The following LYN variants were observed in gnomAD, a reference collection of about 807,000 sequenced individuals.
The protein encoded by LYN is tyrosine-protein kinase Lyn.
LYN carries 12 observed loss-of-function variants against 65.0 expected under a neutral mutation model. The observed-to-expected ratio is 0.18, with a 90% confidence interval of 0.12 to 0.30. The LOEUF (loss-of-function observed/expected upper bound fraction) is 0.30. LYN is among the 10% of genes least tolerant of loss of function. The pLI, the probability that LYN is intolerant of heterozygous loss-of-function variation, is 1.00. For synonymous variants in LYN, 222 were observed against 221.2 expected, an observed-to-expected ratio of 1.00 and a Z score of -0.03; for missense variants, 380 against 623.2, an observed-to-expected ratio of 0.61 and a Z score of 4.16.
intron 2 of LYN, among the ~76,000 whole-genome samples, chr8:55,945,663 G>A (rs72651494): frequency 0.21 from 31,422 of 152,182 alleles, 3,621 homozygotes; most frequent in Middle Eastern, 0.32. Flanking sequence ...GCACTGTGAA[G>A]AAAAGAATTT....
At position 56,012,941 on chromosome 8, in the gene LYN, G is replaced by C. The variant is rs1309122256; in HGVS notation, c.*2831G>C. 1.3e-5 allele frequency: 2 copies of C among 152,140 alleles called. No individual in the cohort carries two copies. The highest frequency in any genetic ancestry group is 2.9e-5 in the Non-Finnish European group (2 of 68,024). 9.4% of individuals were successfully genotyped at this position (152,140 alleles called of 1,614,324 possible). A position where few individuals can be genotyped will look rare whatever the true frequency, so the allele number is the denominator to read the frequency against. On this transcript the variant is annotated 3_prime_UTR_variant, in exon 13 of 13. Coordinates refer to ENST00000519728, the MANE Select transcript of LYN (RefSeq NM_002350.4). ...CACTGAACCTAAAGGAGACTCACAG[G>C]CTAGAAACCAGTGTCCTTAGTAGTA...
At chr8:55,894,579 C>G (rs534577332) in intron 1 of LYN, among the ~76,000 whole-genome samples, 37 of 151,350 alleles carry the variant, frequency 2.4e-4, no homozygotes, top group African/African-American at 8.7e-4. Context: ...GTTGCCCAGG[C>G]TGGAGTTCAT....
chr8:55,954,165 T>A (rs1484671337), intron 8 of LYN, among the ~76,000 whole-genome samples, 181 bp downstream of exon 8: 14 of 152,234 alleles, frequency 9.2e-5, no homozygotes, highest in Admixed American at 9.2e-4. Flanking sequence ...TTACTTCAGC[T>A]CTTGCTCTTT....
At chr8:55,904,228 G>A (rs1384802317) in intron 1 of LYN, among the ~76,000 whole-genome samples, 1 of 152,088 alleles carries the variant, frequency 6.6e-6, no homozygotes, top group East Asian at 1.9e-4. Context: ...CTAATACTTT[G>A]TAAATACCAA....
intron 1 of LYN, among the ~76,000 whole-genome samples, chr8:55,905,090 G>A (rs987111502): frequency 1.3e-5 from 2 of 152,140 alleles, no homozygotes; most frequent in African/African-American, 4.8e-5. Context: ...ATTCAGCTAT[G>A]TGGGAATCTT....
At chr8:55,929,510 G>A (rs1263483820) in intron 1 of LYN, among the ~76,000 whole-genome samples, 1 of 152,200 alleles carries the variant, frequency 6.6e-6, no homozygotes, top group Admixed American at 6.5e-5. Flanking sequence ...TCATGAATGA[G>A]TAAGAAAGCA....
intron 2 of LYN, 50 bp downstream of exon 2, chr8:55,942,041 G>A (rs369132174): frequency 3.8e-6 from 6 of 1,595,690 alleles, no homozygotes; most frequent in African/African-American, 1.3e-5. Flanking sequence ...TCAAAGCATG[G>A]CTACATAATT....
intron 1 of LYN, among the ~76,000 whole-genome samples, chr8:55,881,251 C>T (rs1412618586): frequency 6.6e-6 from 1 of 152,210 alleles, no homozygotes; most frequent in Admixed American, 6.5e-5. Context: ...ATTTAGCCAT[C>T]TGACCTTATT....
At chr8:55,916,620 C>T (rs1335502973) in intron 1 of LYN, among the ~76,000 whole-genome samples, 1 of 152,072 alleles carries the variant, frequency 6.6e-6, no homozygotes, top group Non-Finnish European at 1.5e-5. Flanking sequence ...AATATAAATC[C>T]CTCACCATGT....
intron 1 of LYN, among the ~76,000 whole-genome samples, chr8:55,923,223 C>A (rs1805995929): frequency 6.6e-6 from 1 of 152,146 alleles, no homozygotes; most frequent in Non-Finnish European, 1.5e-5. Context: ...GGGGTGGCCT[C>A]TAAGGTACTG....
At chr8:55,982,610 G>A (rs1023787887) in intron 10 of LYN, among the ~76,000 whole-genome samples, 1 of 152,030 alleles carries the variant, frequency 6.6e-6, no homozygotes, top group Non-Finnish European at 1.5e-5. Flanking sequence ...TGTGGTCCTC[G>A]GATCCCCGAA....
intron 8 of LYN, among the ~76,000 whole-genome samples, chr8:55,962,418 T>A (rs891630453): frequency 6.6e-5 from 10 of 152,146 alleles, no homozygotes; most frequent in Non-Finnish European, 8.8e-5. Context: ...GTGAGATGCA[T>A]CCGTGCTTTT....
At chr8:55,883,833 A>T (rs187711825) in intron 1 of LYN, among the ~76,000 whole-genome samples, 2 of 152,174 alleles carry the variant, frequency 1.3e-5, no homozygotes, top group Admixed American at 1.3e-4. Context: ...GATAATGAAG[A>T]GAAGAACATG....
chr8:55,985,592 A>G (rs561220505), intron 10 of LYN, among the ~76,000 whole-genome samples: 33 of 152,220 alleles, frequency 2.2e-4, no homozygotes, highest in African/African-American at 7.0e-4. Flanking sequence ...AATAACACAC[A>G]TCAAGTTCTT....
chr8:55,997,385 G>A (rs184969460), intron 10 of LYN, among the ~76,000 whole-genome samples: 200 of 152,242 alleles, frequency 1.3e-3, no homozygotes, highest in Non-Finnish European at 2.0e-3. Flanking sequence ...TGGCTTAAAC[G>A]AGAGACATTT....
chr8:55,882,999 A>T (rs1804692800), intron 1 of LYN, among the ~76,000 whole-genome samples: 1 of 152,234 alleles, frequency 6.6e-6, no homozygotes, highest in Non-Finnish European at 1.5e-5. Flanking sequence ...CATTTAATAC[A>T]CTTAACCTAC....
intron 1 of LYN, among the ~76,000 whole-genome samples, chr8:55,929,940 C>T (rs1307035209): frequency 6.6e-6 from 1 of 152,214 alleles, no homozygotes; most frequent in African/African-American, 2.4e-5. Flanking sequence ...GGCCACACAG[C>T]AGGAGGTGAA....
chr8:55,985,947 A>T (rs1204006962), intron 10 of LYN, among the ~76,000 whole-genome samples: 1 of 152,178 alleles, frequency 6.6e-6, no homozygotes, highest in African/African-American at 2.4e-5. Flanking sequence ...CAGGAGGATC[A>T]GTTGAACCCA....
Position 56,012,231 on chromosome 8 carries a change from C to T in LYN, c.*2121C>T, listed in dbSNP as rs1808839918. 1 of 181,302 alleles carries T rather than the reference C, an allele frequency of 5.5e-6. No individual in the cohort carries two copies. The highest frequency in any genetic ancestry group is 1.2e-5 in the Non-Finnish European group (1 of 84,986). The allele number at this position is 181,302 out of a possible 1,614,324, so 11.2% of individuals were successfully genotyped here. On this transcript the variant is annotated 3_prime_UTR_variant, in exon 13 of 13. Transcript: ENST00000519728. ...TTACTTAGCTATAGGTTTCCAGCCT[C>T]CCTGTGACAGACAGGCATAATGAGG...
Sources: gnomAD v4.1 joint callset for allele counts (sites outside exome capture counted in the v4.1 genomes callset) on GRCh38, gnomAD v4.1.1 for gene constraint, MANE v1.5 for transcripts, NCBI Gene and HGNC (gene_info 2026-07-23, HGNC 2026-07-21) for gene names.